TNS1: variants seen among roughly 807,000 people sequenced by gnomAD.
TNS1 encodes tensin-1.
Under a neutral mutation model 168.6 loss-of-function variants are expected in TNS1, and 62 were observed. The ratio of observed to expected loss-of-function variants is 0.37; its 90% CI spans 0.30 to 0.45. The LOEUF (loss-of-function observed/expected upper bound fraction) is 0.45. TNS1 is among the 20% of genes least tolerant of loss of function. The pLI, the probability that TNS1 is intolerant of heterozygous loss-of-function variation, is 1.00. For synonymous variants in TNS1, 934 were observed against 933.2 expected (o/e 1.00, Z -0.02); for missense variants, 2,240 against 2,339.4 (o/e 0.96, Z 0.88).
At chr2:217,910,505 G>C (rs891321989) in intron 4 of TNS1, among the ~76,000 whole-genome samples, 14 of 151,870 alleles carry the variant, frequency 9.2e-5, no homozygotes, top group African/African-American at 3.4e-4. Flanking sequence ...AAGGAAAAAG[G>C]CATGGGACTG....
chr2:217,822,230 G>T (rs1055175210), intron 22 of TNS1, among the ~76,000 whole-genome samples: 1 of 152,100 alleles, frequency 6.6e-6, no homozygotes, highest in Non-Finnish European at 1.5e-5. Flanking sequence ...TCCATAGCTG[G>T]CACCCCCTTT....
At chr2:217,806,751 G>A (rs1939186958) in intron 32 of TNS1, among the ~76,000 whole-genome samples, 3 of 152,098 alleles carry the variant, frequency 2.0e-5, no homozygotes, top group Admixed American at 6.5e-5. Flanking sequence ...CCATTCATTC[G>A]GACTGAGGCA....
intron 12 of TNS1, 77 bp downstream of exon 12, chr2:217,890,885 G>T: frequency 1.3e-6 from 2 of 1,502,980 alleles, no homozygotes; most frequent in Non-Finnish European, 9.2e-7. Flanking sequence ...TCCCATCCCT[G>T]TGAGTACACA....
intron 3 of TNS1, among the ~76,000 whole-genome samples, chr2:217,966,304 T>TGCGC (rs1440685045): frequency 6.5e-5 from 9 of 137,490 alleles, no homozygotes; most frequent in East Asian, 6.3e-4. Flanking sequence ...TGTGTGTGTG[T>TGCGC]GTGTGCGCGC....
At chr2:217,994,068 AG>A (rs1958425335) in intron 1 of TNS1, among the ~76,000 whole-genome samples, 1 of 149,634 alleles carries the variant, frequency 6.7e-6, no homozygotes, top group Non-Finnish European at 1.5e-5. Context: ...GAGGCCTCTG[AG>A]GGGTAGATCC....
intron 1 of TNS1, chr2:218,010,067 C>T: frequency 2.7e-6 from 1 of 364,422 alleles, no homozygotes; most frequent in Non-Finnish European, 4.7e-6. Flanking sequence ...GGGGGGGGGT[C>T]GGAAGGGGCC....
intron 18 of TNS1, among the ~76,000 whole-genome samples, chr2:217,866,786 C>T (rs955766689): frequency 1.3e-5 from 2 of 152,126 alleles, no homozygotes; most frequent in Non-Finnish European, 2.9e-5. Context: ...CTTGGGCTGG[C>T]CTCTCCCCTC....
At chr2:217,973,588 T>G (rs949819422) in intron 3 of TNS1, among the ~76,000 whole-genome samples, 1 of 152,106 alleles carries the variant, frequency 6.6e-6, no homozygotes, top group African/African-American at 2.4e-5. Flanking sequence ...CTCTCCAGTG[T>G]CTGATGCTTT....
At chr2:217,812,628 A>G (rs1941148952) in intron 27 of TNS1, among the ~76,000 whole-genome samples, 183 bp from the exon 28 acceptor site, 1 of 152,160 alleles carries the variant, frequency 6.6e-6, no homozygotes, top group African/African-American at 2.4e-5. Flanking sequence ...GAAGATTCCC[A>G]AGGTTCACTC....
At chr2:217,810,631 G>C (rs1373695189) in intron 28 of TNS1, among the ~76,000 whole-genome samples, 2 of 152,180 alleles carry the variant, frequency 1.3e-5, no homozygotes, top group Non-Finnish European at 2.9e-5. Flanking sequence ...GCGACTCCAT[G>C]TACAGCTTAG....
At chr2:217,863,141 A>G (rs1032187648) in intron 18 of TNS1, among the ~76,000 whole-genome samples, 2 of 152,186 alleles carry the variant, frequency 1.3e-5, no homozygotes, top group Non-Finnish European at 2.9e-5. Context: ...TCTTCCTCGT[A>G]AAGAACAGAA....
In TNS1 at chr2:217,996,409, C is replaced by G. The variant is rs1156446230; in HGVS notation, c.34-5353G>C. 2.6e-5 allele frequency among the ~76,000 whole-genome samples: 4 copies of G among 152,234 alleles called. No homozygotes were observed. In the South Asian group the frequency reaches 6.2e-4, roughly 24 times the overall value. On this transcript the variant is annotated intron_variant, in intron 1 of 32. Transcript: ENST00000682258. The stretch of plus-strand genomic sequence containing the variant: ...CGTTTATGTGGGGAAGGCTCAGATC[C>G]CCAGTGGGGCTGCCGGCTGGCTTCT...
intron 17 of TNS1, 48 bp downstream of exon 17, chr2:217,882,298 C>G (rs1950757279): frequency 7.7e-7 from 1 of 1,305,348 alleles, no homozygotes; most frequent in South Asian, 1.2e-5. Context: ...GGGATAGGGT[C>G]AGGATAAAAG....
intron 3 of TNS1, among the ~76,000 whole-genome samples, chr2:217,927,131 G>GC (rs1956071046): frequency 6.6e-6 from 1 of 152,232 alleles, no homozygotes; most frequent in Non-Finnish European, 1.5e-5. Flanking sequence ...CCCATGCCTG[G>GC]CTCAGAGCCT....
intron 7 of TNS1, among the ~76,000 whole-genome samples, chr2:217,899,635 G>A (rs186040439): frequency 1.2e-4 from 19 of 152,316 alleles, no homozygotes; most frequent in African/African-American, 4.3e-4. Flanking sequence ...TGCTGGTGAG[G>A]GCCATGAGTC....
In TNS1 at chr2:217,809,443, GGATGGATGGATGGA is replaced by G. The variant is rs1482646358; in HGVS notation, c.5273+366_5273+379del. Among the ~76,000 whole-genome samples, 660 of 123,334 alleles carry G rather than the reference GGATGGATGGATGGA, an allele frequency of 5.4e-3. 66 individuals carry two copies. Among genetic ancestry groups the G allele is most frequent in the African/African-American group, 0.013 (379 of 28,836 alleles). 80.9% of individuals were successfully genotyped at this position (123,334 alleles called of 152,430 possible). On this transcript the variant is annotated intron_variant, in intron 30 of 32. Coordinates refer to ENST00000682258, the MANE Select transcript of TNS1 (RefSeq NM_001387777.1). ...TGGATGGATGGATGGATGGATGGAT[GGATGGATGGATGGA>G]TGCATGGATGGATGGATGGATGGAT...
Position 217,970,968 on chromosome 2 carries a change from G to A in TNS1, c.186+7797C>T, listed in dbSNP as rs149414211. ...CCAGGAAGCGCTATTAAATACATGG[G>A]ATTGTGCTAGCACTGGCCAAGAAGA... On this transcript the variant is annotated intron_variant, in intron 3 of 32. Transcript: ENST00000682258. 5.6e-3 allele frequency among the ~76,000 whole-genome samples: 847 copies of A among 152,114 alleles called. 6 individuals are homozygous for A. Among genetic ancestry groups the A allele is most frequent in the Middle Eastern group, 0.014 (4 of 294 alleles).
At chr2:217,980,578 G>A (rs982993707) in intron 2 of TNS1, among the ~76,000 whole-genome samples, 10 of 150,624 alleles carry the variant, frequency 6.6e-5, no homozygotes, top group African/African-American at 9.8e-5. Context: ...CTTAATAAAC[G>A]TTTGCTGAGT....
chr2:217,866,669 GA>G lies in TNS1; in HGVS notation c.1429+14228del, dbSNP rs368215444. ...GGCAGGCAGCTCCTCAACCAGAGCA[GA>G]ATTAGCTAGTCCGCAGCCTCTCAGG... On this transcript the variant is annotated intron_variant, in intron 18 of 32. Transcript: ENST00000682258. Among the ~76,000 whole-genome samples the G allele has an allele frequency of 2.4e-4, 36 of 152,332 alleles. No homozygotes were observed. The East Asian group carries it at 3.9e-3, about 16-fold the overall frequency.
Sources: allele counts gnomAD v4.1 joint callset (sites outside exome capture counted in the v4.1 genomes callset), GRCh38; gene constraint gnomAD v4.1.1; transcripts MANE v1.5; gene names NCBI Gene and HGNC (gene_info 2026-07-23, HGNC 2026-07-21).